Variants in KPNA3 observed in about 807,000 individuals in gnomAD.
The protein encoded by KPNA3 is importin subunit alpha-4.
Under a neutral mutation model 73.8 loss-of-function variants are expected in KPNA3, and 13 were observed. The observed-to-expected ratio is 0.18, with a 90% CI of 0.11 to 0.28. KPNA3 has a LOEUF of 0.28. Ranked by LOEUF, KPNA3 falls within the 10% of genes least tolerant of loss-of-function variation. KPNA3 has a pLI of 1.00. For missense variants in KPNA3, 360 were observed against 618.1 expected (o/e 0.58, Z 4.43); for synonymous variants, 186 against 206.9 (o/e 0.90, Z 0.87).
intron 6 of KPNA3, among the ~76,000 whole-genome samples, chr13:49,730,160 G>A (rs983635110): frequency 7.2e-5 from 11 of 152,082 alleles, no homozygotes; most frequent in Middle Eastern, 6.3e-3. Flanking sequence ...ATGTTTCATA[G>A]ACACAGACAC....
At chr13:49,773,058 A>T (rs980931137) in intron 1 of KPNA3, among the ~76,000 whole-genome samples, 3 of 152,220 alleles carry the variant, frequency 2.0e-5, no homozygotes, top group African/African-American at 7.2e-5. Context: ...AAGAAGAATG[A>T]ACTTTAGGTA....
At chr13:49,760,266 T>C (rs529285466) in intron 1 of KPNA3, among the ~76,000 whole-genome samples, 1 of 151,570 alleles carries the variant, frequency 6.6e-6, no homozygotes, top group East Asian at 1.9e-4. Context: ...AAAAAACAAC[T>C]CAGCCAGGAA....
At chr13:49,729,456 G>T (rs1256017605) in intron 6 of KPNA3, among the ~76,000 whole-genome samples, 3 of 152,074 alleles carry the variant, frequency 2.0e-5, no homozygotes, top group Non-Finnish European at 4.4e-5. Context: ...AAAAAAAAAT[G>T]AGAAAAGATA....
chr13:49,780,297 A>G (rs892645181), intron 1 of KPNA3, among the ~76,000 whole-genome samples: 6 of 152,170 alleles, frequency 3.9e-5, no homozygotes, highest in African/African-American at 1.4e-4. Context: ...CTGCAATACA[A>G]GCAGAATGGC....
chr13:49,745,220 G>A (rs60837298), intron 2 of KPNA3, among the ~76,000 whole-genome samples: 3,097 of 152,210 alleles, frequency 0.02, 43 homozygotes, highest in South Asian at 0.03. Flanking sequence ...TACCTAGCCC[G>A]TGTATGAAAC....
chr13:49,748,309 G>A (rs1340624172), intron 1 of KPNA3, among the ~76,000 whole-genome samples: 1 of 151,188 alleles, frequency 6.6e-6, no homozygotes, highest in Non-Finnish European at 1.5e-5. Flanking sequence ...TGTATCAAAA[G>A]GTAAGGTATC....
intron 1 of KPNA3, among the ~76,000 whole-genome samples, chr13:49,752,552 A>G (rs191836341): frequency 2.7e-5 from 4 of 149,538 alleles, no homozygotes; most frequent in Non-Finnish European, 4.4e-5. Context: ...AACATTATCA[A>G]TCAGAATTAG....
intron 1 of KPNA3, among the ~76,000 whole-genome samples, chr13:49,762,230 C>T (rs541284608): frequency 3.3e-5 from 5 of 150,714 alleles, no homozygotes; most frequent in South Asian, 2.1e-4. Flanking sequence ...CCAGCCGCCC[C>T]GTCGCGGAGG....
At chr13:49,745,367 T>TC (rs1053991308) in intron 2 of KPNA3, among the ~76,000 whole-genome samples, 24 of 152,162 alleles carry the variant, frequency 1.6e-4, no homozygotes, top group Middle Eastern at 3.4e-3. Flanking sequence ...CGGTAATTTT[T>TC]TTTTTTTTTT....
rs150677918 is a variant in KPNA3 at position 49,747,482 on chromosome 13, C to T, written c.70-489G>A. 2.1e-3 allele frequency among the ~76,000 whole-genome samples: 322 copies of T among 152,200 alleles called. 1 individual carries two copies. Among genetic ancestry groups the T allele is most frequent in the African/African-American group, 7.4e-3 (306 of 41,534 alleles). ...GGAGGATCACTTGGGGCCAGGAGTT[C>T]GAGATCAGCCTGGCCAACATGGCAA... On this transcript the variant is annotated intron_variant, in intron 1 of 16. Transcript: ENST00000261667.
Position 49,732,776 on chromosome 13 carries a change from G to GTGCTTTAAAATCAGCATCAACATCTGAAT in KPNA3, c.205-1_205insATTCAGATGTTGATGCTGATTTTAAAGCA (p.Gln69IlefsTer13). ...AATATAGCTTCTAGGGTTACATTTT[G>GTGCTTTAAAATCAGCATCAACATCTGAAT]CTTAAAAAGAAAAAAAAAATAGTTC... On this transcript the variant is annotated frameshift_variant and splice_region_variant. Transcript: ENST00000261667. LOFTEE classifies it high-confidence loss of function. The GTGCTTTAAAATCAGCATCAACATCTGAAT allele has an allele frequency of 1.3e-6, 2 of 1,561,176 alleles. No homozygotes were observed. The highest frequency in any genetic ancestry group is 1.7e-6 in the Non-Finnish European group (2 of 1,144,600).
At chr13:49,756,812 A>G (rs1954715659) in intron 1 of KPNA3, among the ~76,000 whole-genome samples, 1 of 152,228 alleles carries the variant, frequency 6.6e-6, no homozygotes, top group African/African-American at 2.4e-5. Flanking sequence ...TTCAAGATAT[A>G]TTACATAGTT....
chr13:49,772,970 T>G (rs1203633157), intron 1 of KPNA3, among the ~76,000 whole-genome samples: 1 of 152,104 alleles, frequency 6.6e-6, no homozygotes, highest in African/African-American at 2.4e-5. Flanking sequence ...CAAAAACTAG[T>G]AACAACTCAA....
At chr13:49,734,710 A>G (rs1272440634) in intron 2 of KPNA3, among the ~76,000 whole-genome samples, 2 of 152,168 alleles carry the variant, frequency 1.3e-5, no homozygotes, top group Non-Finnish European at 2.9e-5. Flanking sequence ...TTTGGAAACT[A>G]CATCTTATTC....
chr13:49,762,523 A>C (rs1304093987), intron 1 of KPNA3, among the ~76,000 whole-genome samples: 2 of 146,336 alleles, frequency 1.4e-5, no homozygotes, highest in African/African-American at 2.4e-5. Flanking sequence ...TGTACTAAGA[A>C]AGATTCTTCT....
Position 49,746,955 on chromosome 13 carries a change from C to G in KPNA3, c.108G>C (p.Leu36=). Reference sequence around the variant, plus strand: ...AAATGTAAATCAACCTTACCTTCCGCAGTTCCACTGTCACTTCATTTCTAT... The same window carrying G: ...AAATGTAAATCAACCTTACCTTCCGGAGTTCCACTGTCACTTCATTTCTAT... ...RRHRNEVTVE[L]RKNKRDEHLL... is the part of the protein sequence containing the mutation. Residue 36 remains leucine, a synonymous_variant, in exon 2 of 17, where the codon CTG becomes CTC. Coordinates refer to ENST00000261667, the MANE Select transcript of KPNA3 (RefSeq NM_002267.4). 2 of 1,607,728 alleles carry G rather than the reference C, an allele frequency of 1.2e-6. No homozygotes were observed. The highest frequency in any genetic ancestry group is 1.7e-6 in the Non-Finnish European group (2 of 1,174,714).
chr13:49,782,811 G>A (rs1439184965), intron 1 of KPNA3, among the ~76,000 whole-genome samples: 1 of 151,786 alleles, frequency 6.6e-6, no homozygotes, highest in Non-Finnish European at 1.5e-5. Context: ...GCAGTGAGCC[G>A]TGATTGTGCC....
rs1318517224 is a variant in KPNA3 at position 49,701,854 on chromosome 13, A to G, written c.1512T>C (p.Gly504=). 2 of 1,613,438 alleles carry G rather than the reference A, an allele frequency of 1.2e-6. No homozygotes were observed. Among genetic ancestry groups the G allele is most frequent in the Non-Finnish European group, 8.5e-7 (1 of 1,179,636 alleles). ...TGGCTGTTGGATCAAAATTGTAGGTACCTCCTTGTGTTGCTTCAGGAATGA... is the reference window on the plus strand; with the variant it reads ...TGGCTGTTGGATCAAAATTGTAGGTGCCTCCTTGTGTTGCTTCAGGAATGA... ...PCLIPEATQG[G]TYNFDPTANL... Residue 504 remains glycine (G), a synonymous_variant, in exon 17 of 17, where the codon GGT becomes GGC. Coordinates refer to ENST00000261667, the MANE Select transcript of KPNA3 (RefSeq NM_002267.4).
intron 1 of KPNA3, among the ~76,000 whole-genome samples, chr13:49,760,675 A>T (rs1474326333): frequency 1.3e-5 from 2 of 152,168 alleles, no homozygotes; most frequent in Non-Finnish European, 2.9e-5. Flanking sequence ...TTCAGACAGC[A>T]CTGAGCTCGT....
Sources: allele counts gnomAD v4.1 joint callset (sites outside exome capture counted in the v4.1 genomes callset), GRCh38; gene constraint gnomAD v4.1.1; transcripts MANE v1.5; gene names NCBI Gene and HGNC (gene_info 2026-07-23, HGNC 2026-07-21).